The following GRM8 variants were observed in gnomAD, a reference collection of about 807,000 sequenced individuals.
GRM8 encodes the protein glutamate metabotropic receptor 8, also known as metabotropic glutamate receptor 8.
In GRM8, 47 loss-of-function variants were observed where a neutral mutation model predicts 87.2. That is an observed-to-expected ratio of 0.54 (90% CI 0.43 to 0.69). GRM8 has a LOEUF of 0.69. Among genes scored for constraint, GRM8 ranks in the 30% least tolerant of loss-of-function variants. The probability of loss-of-function intolerance (pLI) is 0.00; values close to 1 mark genes in which losing one functional copy is unlikely to be tolerated. For missense variants in GRM8, 1,019 were observed against 1,139.2 expected, an observed-to-expected ratio of 0.89 and a Z score of 1.52; for synonymous variants, 396 against 404.5, an observed-to-expected ratio of 0.98 and a Z score of 0.25.
intron 8 of GRM8, among the ~76,000 whole-genome samples, chr7:126,604,031 A>T (rs916063923): frequency 1.2e-4 from 19 of 152,096 alleles, no homozygotes; most frequent in African/African-American, 4.6e-4. Flanking sequence ...ATAAAAACAA[A>T]ATCCCTGAGA....
At chr7:127,109,468 T>A (rs1176160632) in intron 2 of GRM8, among the ~76,000 whole-genome samples, 1 of 152,184 alleles carries the variant, frequency 6.6e-6, no homozygotes, top group East Asian at 1.9e-4. Context: ...CTTCTCTCCA[T>A]ATTCTCACAG....
intron 7 of GRM8, among the ~76,000 whole-genome samples, chr7:126,758,257 G>A (rs577433141): frequency 1.3e-5 from 2 of 152,248 alleles, no homozygotes; most frequent in South Asian, 4.1e-4. Context: ...ACTGTGCCAG[G>A]CATCGTGTTA....
intron 7 of GRM8, among the ~76,000 whole-genome samples, chr7:126,654,926 T>C (rs2151259561): frequency 6.6e-6 from 1 of 152,212 alleles, no homozygotes; most frequent in South Asian, 2.1e-4. Context: ...AAAATTACTA[T>C]GCCATTGAAA....
rs1808058762 is a variant in GRM8, at chr7:126,685,384, G to A, written c.1358-75886C>T. ...CTGCAAGAGCCCTGGACAAGCGGGA[G>A]ACCCACCCCCTCTGAGTTAGCTGGG... is the stretch of plus-strand genomic sequence containing the variant. On this transcript the variant is annotated intron_variant, in intron 7 of 10. Transcript: ENST00000339582. The surrounding 1 kb of genome is among the most constrained non-coding windows in gnomAD (Gnocchi z 4.2). Among the ~76,000 whole-genome samples the A allele has an allele frequency of 6.6e-6, 1 of 152,118 alleles. No homozygotes were observed. The highest frequency in any genetic ancestry group is 1.5e-5 in the Non-Finnish European group (1 of 68,004).
intron 8 of GRM8, among the ~76,000 whole-genome samples, chr7:126,560,213 A>G (rs1793562035): frequency 6.6e-6 from 1 of 152,236 alleles, no homozygotes; most frequent in African/African-American, 2.4e-5. Flanking sequence ...CAGTGATAAT[A>G]TAAGTCACTG....
intron 7 of GRM8, among the ~76,000 whole-genome samples, chr7:126,719,851 G>GA (rs34193510): frequency 0.034 from 3,854 of 111,908 alleles, 168 homozygotes; most frequent in African/African-American, 0.11. Flanking sequence ...CTTTAGTCTT[G>GA]AAAAAAAAAA....
intron 7 of GRM8, among the ~76,000 whole-genome samples, chr7:126,723,345 C>T (rs1186569647): frequency 6.6e-6 from 1 of 152,102 alleles, no homozygotes; most frequent in Non-Finnish European, 1.5e-5. Context: ...TTGCTGTTAG[C>T]TGTTGGCTTC....
At chr7:126,711,400 G>A (rs76344109) in intron 7 of GRM8, among the ~76,000 whole-genome samples, 4,237 of 152,170 alleles carry the variant, frequency 0.028, 190 homozygotes, top group African/African-American at 0.097. Flanking sequence ...TCAACACTGG[G>A]CTGAAAATAT....
chr7:127,200,646 G>C (rs1048874923), intron 2 of GRM8, among the ~76,000 whole-genome samples: 2 of 152,160 alleles, frequency 1.3e-5, no homozygotes, highest in African/African-American at 2.4e-5. Flanking sequence ...TCCAGTGTCT[G>C]GTGGTCACTG....
intron 7 of GRM8, among the ~76,000 whole-genome samples, chr7:126,631,562 A>G (rs149033682): frequency 6.6e-6 from 1 of 152,270 alleles, no homozygotes; most frequent in Non-Finnish European, 1.5e-5. Context: ...AACAAAAAAA[A>G]ACTCGCATAG....
At chr7:126,918,164 G>T (rs951362333) in intron 3 of GRM8, among the ~76,000 whole-genome samples, 1 of 152,176 alleles carries the variant, frequency 6.6e-6, no homozygotes, top group Non-Finnish European at 1.5e-5. Context: ...AAGATTTACT[G>T]GTTCTTGCCA....
chr7:127,079,886 T>C (rs1348298813), intron 3 of GRM8, among the ~76,000 whole-genome samples: 2 of 152,208 alleles, frequency 1.3e-5, no homozygotes, highest in African/African-American at 2.4e-5. Flanking sequence ...TGTAAAAGTT[T>C]AATTCCACAG....
chr7:127,138,316 C>G (rs1828058091), intron 2 of GRM8, among the ~76,000 whole-genome samples: 1 of 151,948 alleles, frequency 6.6e-6, no homozygotes, highest in Non-Finnish European at 1.5e-5. Context: ...TCGAATATTC[C>G]CTATACACAT....
At chr7:126,647,873 T>G (rs755374399) in intron 7 of GRM8, among the ~76,000 whole-genome samples, 1 of 152,154 alleles carries the variant, frequency 6.6e-6, no homozygotes, top group Non-Finnish European at 1.5e-5. Context: ...ATTTTCTTCA[T>G]AGCAAACTAA....
At chr7:126,641,376 C>CT (rs1449082767) in intron 7 of GRM8, among the ~76,000 whole-genome samples, 1 of 152,124 alleles carries the variant, frequency 6.6e-6, no homozygotes, top group African/African-American at 2.4e-5. Context: ...AAGAAACTCA[C>CT]TATGAGTAAG....
intron 6 of GRM8, among the ~76,000 whole-genome samples, chr7:126,810,963 G>T (rs1282973872): frequency 4.6e-5 from 7 of 152,042 alleles, no homozygotes; most frequent in African/African-American, 1.7e-4. Context: ...ATTCAGGAGA[G>T]TTTTCCCTAG....
At chr7:126,795,529 G>A (rs1478269654) in intron 6 of GRM8, among the ~76,000 whole-genome samples, 6 of 152,032 alleles carry the variant, frequency 3.9e-5, no homozygotes, top group African/African-American at 9.7e-5. Flanking sequence ...TTTATAATTG[G>A]AAAATTGGCT....
chr7:126,755,177 CAT>C (rs1189358065), intron 7 of GRM8, among the ~76,000 whole-genome samples: 1 of 151,974 alleles, frequency 6.6e-6, no homozygotes, highest in East Asian at 1.9e-4. Flanking sequence ...TGCCTATGCA[CAT>C]AGACTGTTTA....
chr7:126,531,286 AG>A (rs1221154972), intron 9 of GRM8, among the ~76,000 whole-genome samples: 3 of 152,334 alleles, frequency 2.0e-5, no homozygotes, highest in Admixed American at 1.3e-4. Context: ...TGATTTCTTT[AG>A]CCTTTTTCAC....
Sources: allele counts gnomAD v4.1 joint callset (sites outside exome capture counted in the v4.1 genomes callset), GRCh38; gene constraint gnomAD v4.1.1; non-coding constraint Gnocchi (gnomAD v3.1); transcripts MANE v1.5; gene names NCBI Gene and HGNC (gene_info 2026-07-23, HGNC 2026-07-21).